Variants in SLC22A3 observed in about 807,000 individuals in gnomAD.
The protein encoded by SLC22A3 is EMT organic cation transporter 3.
Under a neutral mutation model 59.1 loss-of-function variants are expected in SLC22A3, and 51 were observed. That is an observed-to-expected ratio of 0.86 (90% CI 0.69 to 1.09). SLC22A3 has a LOEUF of 1.09. Ranked by LOEUF, SLC22A3 falls within the 50% of genes least tolerant of loss-of-function variation. SLC22A3 has a pLI of 0.00. For synonymous variants in SLC22A3, 325 were observed against 292.0 expected, an observed-to-expected ratio of 1.11 and a Z score of -1.15; for missense variants, 711 against 726.3, an observed-to-expected ratio of 0.98 and a Z score of 0.24.
At position 160,398,039 on chromosome 6, in the gene SLC22A3, G is replaced by A. The variant is rs1344342342; in HGVS notation, c.490G>A (p.Gly164Ser). The A allele has an allele frequency of 5.6e-6, 9 of 1,613,732 alleles. No individual in the cohort carries two copies. Among genetic ancestry groups the A allele is most frequent in the Non-Finnish European group, 6.8e-6 (8 of 1,179,754 alleles). Residue 164 changes from glycine to serine, a missense_variant, in exon 2 of 11, where the codon GGC (glycine) becomes AGC (serine). By Grantham distance (56) the Gly-to-Ser change is moderately conservative (BLOSUM62 0). Transcript: ENST00000275300. Reference protein sequence around the residue: ...LDLTQAILNLGFLTGAFTLGY... With the variant: ...LDLTQAILNLSFLTGAFTLGY... Reference sequence around the variant, plus strand: ...CCTCACCCAAGCCATCCTGAACCTCGGCTTCCTGACTGGAGCATTCACCTT... The same window carrying A: ...CCTCACCCAAGCCATCCTGAACCTCAGCTTCCTGACTGGAGCATTCACCTT...
intron 10 of SLC22A3, among the ~76,000 whole-genome samples, 177 bp downstream of exon 10, chr6:160,447,995 C>T (rs1057441690): frequency 6.6e-6 from 1 of 151,686 alleles, no homozygotes; most frequent in African/African-American, 2.4e-5. Flanking sequence ...AAAAACCCTC[C>T]AGAGCTAGAT....
chr6:160,442,916 C>T, intron 8 of SLC22A3, 47 bp downstream of exon 8: 2 of 1,429,652 alleles, frequency 1.4e-6, no homozygotes, highest in South Asian at 1.2e-5. Flanking sequence ...CTCTGTAGAC[C>T]AGCGTTTTAA....
chr6:160,408,925 A>G lies in SLC22A3; in HGVS notation c.857+4A>G. On this transcript the variant is annotated splice_donor_region_variant and intron_variant, in intron 4 of 10. Transcript: ENST00000275300. ...TTCTCTTCCTCCTTTATTACTGGTA[A>G]TGTGGTTTTGGTTATCATCATATTT... The G allele has an allele frequency of 6.2e-7, 1 of 1,612,612 alleles. No individual in the cohort carries two copies. Among genetic ancestry groups the G allele is most frequent in the Non-Finnish European group, 8.5e-7 (1 of 1,179,214 alleles).
rs368285584 is a variant in SLC22A3, at chr6:160,349,381, G to A, written c.429+533G>A. ...TTACTCAAAATGCAAGGGGACAAAGGTCGAGGCTTTCCCGGGGAATGGTTT... is the reference window on the plus strand; with the variant it reads ...TTACTCAAAATGCAAGGGGACAAAGATCGAGGCTTTCCCGGGGAATGGTTT... On this transcript the variant is annotated intron_variant, in intron 1 of 10. Transcript: ENST00000275300. Among the ~76,000 whole-genome samples the A allele has an allele frequency of 1.2e-3, 182 of 152,376 alleles. 6 individuals carry two copies. The South Asian group carries it at 0.037, about 31-fold the overall frequency.
At chr6:160,377,489 AAAAG>A (rs968459875) in intron 1 of SLC22A3, among the ~76,000 whole-genome samples, 2 of 152,012 alleles carry the variant, frequency 1.3e-5, no homozygotes, top group South Asian at 2.1e-4. Context: ...CAAAAAAAAA[AAAAG>A]AAAGAAAAAC....
At chr6:160,378,654 T>C (rs147203927) in intron 1 of SLC22A3, among the ~76,000 whole-genome samples, 253 of 152,306 alleles carry the variant, frequency 1.7e-3, no homozygotes, top group African/African-American at 5.3e-3. Flanking sequence ...CATTGTTAAA[T>C]TGAAAATATC....
At chr6:160,444,901 A>G (rs1788684904) in intron 9 of SLC22A3, among the ~76,000 whole-genome samples, 1 of 152,208 alleles carries the variant, frequency 6.6e-6, no homozygotes, top group African/African-American at 2.4e-5. Context: ...CAGTGACCTC[A>G]ATACAGGATC....
At chr6:160,379,467 A>G (rs953847108) in intron 1 of SLC22A3, among the ~76,000 whole-genome samples, 2 of 152,218 alleles carry the variant, frequency 1.3e-5, no homozygotes, top group Non-Finnish European at 2.9e-5. Flanking sequence ...GTGAAGTCCC[A>G]AAGTCTCTTT....
intron 1 of SLC22A3, among the ~76,000 whole-genome samples, chr6:160,373,126 C>G (rs1785460296): frequency 6.6e-6 from 1 of 152,168 alleles, no homozygotes; most frequent in African/African-American, 2.4e-5. Context: ...CTGGTTTTTC[C>G]TCATCTTCGT....
At chr6:160,439,635 T>C (rs925343969) in intron 7 of SLC22A3, among the ~76,000 whole-genome samples, 1 of 152,258 alleles carries the variant, frequency 6.6e-6, no homozygotes, top group African/African-American at 2.4e-5. Context: ...CTGTTCTCCC[T>C]TGTCTAACCA....
intron 5 of SLC22A3, among the ~76,000 whole-genome samples, chr6:160,430,669 C>T (rs186784591): frequency 6.6e-6 from 1 of 152,318 alleles, no homozygotes; most frequent in East Asian, 1.9e-4. Flanking sequence ...CTAACCTCTG[C>T]AGTTTAACCT....
intron 5 of SLC22A3, among the ~76,000 whole-genome samples, chr6:160,411,118 C>G (rs2504939): frequency 0.83 from 125,864 of 152,062 alleles, 52,488 homozygotes; most frequent in East Asian, 1. Flanking sequence ...AGCATTATAG[C>G]CAAGGTTAAT....
chr6:160,410,831 A>G lies in SLC22A3; in HGVS notation c.960A>G (p.Ser320=). The change falls in exon 5 of 11, where the codon TCA becomes TCG. Residue 320 remains serine (S), a synonymous_variant. Coordinates refer to ENST00000275300, the MANE Select transcript of SLC22A3 (RefSeq NM_021977.4). ...RIAKCNGKYL[S]SNYSEITVTD... Reference sequence around the variant, plus strand: ...CTAAGTGCAATGGGAAATACCTCTCATCAAATTACTCAGAGGTAATTTCTT... The same window carrying G: ...CTAAGTGCAATGGGAAATACCTCTCGTCAAATTACTCAGAGGTAATTTCTT... 2 of 1,600,580 alleles carry G rather than the reference A, an allele frequency of 1.2e-6. No homozygotes were observed. Among genetic ancestry groups the G allele is most frequent in the East Asian group, 2.2e-5 (1 of 44,746 alleles).
In SLC22A3 at chr6:160,434,484, T is replaced by G. The variant is rs1469941497; in HGVS notation, c.976-2296T>G. Among the ~76,000 whole-genome samples the G allele has an allele frequency of 3.3e-5, 5 of 152,322 alleles. No homozygotes were observed. The East Asian group carries it at 9.6e-4, about 29-fold the overall frequency. On this transcript the variant is annotated intron_variant, in intron 5 of 10. Transcript: ENST00000275300. ...GTTTTCCTTATTTATAGAATAAGAT[T>G]AACAGAAGTACTAACTTTATAGAGC... is the stretch of plus-strand genomic sequence containing the variant.
chr6:160,433,859 G>A (rs1788246208), intron 5 of SLC22A3, among the ~76,000 whole-genome samples: 1 of 152,182 alleles, frequency 6.6e-6, no homozygotes, highest in African/African-American at 2.4e-5. Flanking sequence ...CTCATAGCTA[G>A]TGGATAGAAG....
intron 1 of SLC22A3, among the ~76,000 whole-genome samples, chr6:160,384,216 A>G (rs182040214): frequency 2.0e-5 from 3 of 152,278 alleles, no homozygotes; most frequent in African/African-American, 7.2e-5. Context: ...CCTGGCTCAA[A>G]TACTATATCA....
intron 1 of SLC22A3, among the ~76,000 whole-genome samples, chr6:160,387,336 C>T (rs2136676): frequency 0.47 from 70,695 of 152,008 alleles, 16,736 homozygotes; most frequent in East Asian, 0.56. Context: ...CTTCTCACTG[C>T]CTGTAAGTGA....
chr6:160,350,984 C>T (rs865835103), intron 1 of SLC22A3, among the ~76,000 whole-genome samples: 1 of 152,268 alleles, frequency 6.6e-6, no homozygotes, highest in South Asian at 2.1e-4. Context: ...AGGGTCACCA[C>T]CTGGTTACTG....
intron 1 of SLC22A3, among the ~76,000 whole-genome samples, chr6:160,353,164 A>G (rs990714363): frequency 6.6e-6 from 1 of 152,190 alleles, no homozygotes; most frequent in African/African-American, 2.4e-5. Flanking sequence ...CAGCCACCCC[A>G]CTAGGTGTCT....
Sources: allele counts gnomAD v4.1 joint callset (sites outside exome capture counted in the v4.1 genomes callset), GRCh38; gene constraint gnomAD v4.1.1; transcripts MANE v1.5; gene names NCBI Gene and HGNC (gene_info 2026-07-23, HGNC 2026-07-21).